Variants in DENND5B observed in about 807,000 individuals in gnomAD.
The protein encoded by DENND5B is DENN domain-containing protein 5B.
DENND5B carries 34 observed loss-of-function variants against 140.6 expected under a neutral mutation model. The ratio of observed to expected loss-of-function variants is 0.24; its 90% CI spans 0.18 to 0.32. The LOEUF (loss-of-function observed/expected upper bound fraction) is 0.32. Among genes scored for constraint, DENND5B ranks in the 10% least tolerant of loss-of-function variants. The pLI is 1.00. For missense variants in DENND5B, 1,142 were observed against 1,560.2 expected (o/e 0.73, Z 4.52); for synonymous variants, 551 against 562.1 (o/e 0.98, Z 0.28).
At chr12:31,418,978 T>G (rs138339770) in intron 11 of DENND5B, among the ~76,000 whole-genome samples, 1 of 152,102 alleles carries the variant, frequency 6.6e-6, no homozygotes, top group Non-Finnish European at 1.5e-5. Flanking sequence ...GGTACTCTAT[T>G]ATGGCAGCCC....
At chr12:31,535,979 G>A (rs750294950) in intron 1 of DENND5B, among the ~76,000 whole-genome samples, 220 of 84,268 alleles carry the variant, frequency 2.6e-3, no homozygotes, top group Non-Finnish European at 3.7e-3. Flanking sequence ...CCATCCCCTC[G>A]GTACTGTTCC....
intron 3 of DENND5B, chr12:31,465,066 C>T (rs1945197028): frequency 6.6e-6 from 1 of 152,248 alleles, no homozygotes; most frequent in Admixed American, 6.5e-5. Context: ...AGTGATGGCT[C>T]TGGCACAGAT....
chr12:31,412,648 A>C (rs1243385829), intron 13 of DENND5B, among the ~76,000 whole-genome samples: 2 of 152,174 alleles, frequency 1.3e-5, no homozygotes, highest in African/African-American at 4.8e-5. Context: ...ACCACAGACC[A>C]GTACTGGTCC....
rs575077444 is a variant in DENND5B at position 31,475,765 on chromosome 12, A to C, written c.904+3824T>G. Among the ~76,000 whole-genome samples the C allele has an allele frequency of 1.2e-4, 19 of 152,068 alleles. No homozygotes were observed. In the South Asian group the frequency reaches 1.9e-3, roughly 15 times the overall value. ...CCCTGTCTCAAAACAAACAAACAAA[A>C]AAAGAGCAGAAATAGGAGAGCTCAG... On this transcript the variant is annotated intron_variant, in intron 3 of 20. Coordinates refer to ENST00000389082, the MANE Select transcript of DENND5B (RefSeq NM_144973.4).
At chr12:31,553,286 G>A (rs1403025849) in intron 1 of DENND5B, among the ~76,000 whole-genome samples, 1 of 152,154 alleles carries the variant, frequency 6.6e-6, no homozygotes, top group African/African-American at 2.4e-5. Context: ...TGGTTTCAAG[G>A]AACATCTTTA....
chr12:31,462,043 T>G (rs1945043722), intron 3 of DENND5B, among the ~76,000 whole-genome samples: 1 of 152,218 alleles, frequency 6.6e-6, no homozygotes, highest in African/African-American at 2.4e-5. Flanking sequence ...AAATTTTCCT[T>G]ATTTGATTCA....
chr12:31,395,790 C>A (rs181533184), intron 17 of DENND5B, among the ~76,000 whole-genome samples: 1 of 152,080 alleles, frequency 6.6e-6, no homozygotes, highest in African/African-American at 2.4e-5. Context: ...CACTGATAAA[C>A]TTCTGTGATT....
intron 1 of DENND5B, among the ~76,000 whole-genome samples, chr12:31,544,029 T>C (rs1247405471): frequency 6.6e-6 from 1 of 152,130 alleles, no homozygotes; most frequent in Non-Finnish European, 1.5e-5. Flanking sequence ...TCAGGCATGG[T>C]GGCACAAGCC....
chr12:31,459,223 A>AG (rs1944910477), intron 4 of DENND5B, among the ~76,000 whole-genome samples: 1 of 151,374 alleles, frequency 6.6e-6, no homozygotes. Context: ...GAAAAAAAAA[A>AG]GTAAAAACAA....
chr12:31,395,659 T>TA (rs1435168880), intron 17 of DENND5B, among the ~76,000 whole-genome samples: 1 of 152,110 alleles, frequency 6.6e-6, no homozygotes, highest in Non-Finnish European at 1.5e-5. Flanking sequence ...AATCATGTGC[T>TA]AGCAAATGGA....
Position 31,423,648 on chromosome 12 carries a change from T to C in DENND5B, c.2419A>G (p.Ile807Val), listed in dbSNP as rs537317490. The C allele has an allele frequency of 2.9e-4, 473 of 1,613,948 alleles. 2 individuals carry two copies. The South Asian group carries it at 4.0e-3, about 14-fold the overall frequency. The change falls in exon 11 of 21, where the codon ATT (isoleucine) becomes GTT (valine). Residue 807 changes from isoleucine to valine, a missense_variant. This residue lies in a region of DENND5B where 268 missense variants were observed against 349.2 expected (regional missense o/e 0.77). Transcript: ENST00000389082. ...QGKSALWSHL[I>V]QFQDREEKQE... ...TTCTCTTCTCTGTCCTGAAATTGAA[T>C]TAAATGTGACCACAAAGCCGACTTC... is the stretch of plus-strand genomic sequence containing the variant.
intron 6 of DENND5B, 139 bp from the exon 7 acceptor site, chr12:31,443,064 GCA>G (rs371250423): frequency 2.5e-5 from 18 of 728,130 alleles, no homozygotes; most frequent in South Asian, 1.1e-4. Flanking sequence ...GTGTGTGTGT[GCA>G]CGCACGCACG....
In DENND5B at chr12:31,399,782, C is replaced by T; in HGVS notation, c.2950-10G>A. On this transcript the variant is annotated splice_polypyrimidine_tract_variant and intron_variant, in intron 15 of 20. Transcript: ENST00000389082. ...TCCCCAAGTTCTGGCACTGTAGGGA[C>T]AGGACCTTAGGTTATTTAGTACCCA... is the stretch of plus-strand genomic sequence containing the variant. The T allele has an allele frequency of 6.2e-7, 1 of 1,609,064 alleles. No homozygotes were observed. Among genetic ancestry groups the T allele is most frequent in the Non-Finnish European group, 8.5e-7 (1 of 1,176,126 alleles).
intron 13 of DENND5B, 87 bp from the exon 14 acceptor site, chr12:31,409,471 TG>T: frequency 1.4e-6 from 1 of 712,560 alleles, no homozygotes; most frequent in Non-Finnish European, 1.8e-6. Flanking sequence ...CTTTTCATTA[TG>T]TCTTTTTTTT....
intron 2 of DENND5B, among the ~76,000 whole-genome samples, chr12:31,486,741 T>C (rs1206422615): frequency 6.6e-6 from 1 of 152,242 alleles, no homozygotes; most frequent in Non-Finnish European, 1.5e-5. Context: ...CTTACTTCCC[T>C]TAAGTCTCTA....
chr12:31,473,691 C>T (rs1308722312), intron 3 of DENND5B, among the ~76,000 whole-genome samples: 3 of 152,158 alleles, frequency 2.0e-5, no homozygotes, highest in African/African-American at 7.2e-5. Flanking sequence ...ATTTAAAGTG[C>T]CCCTATGACT....
At chr12:31,434,871 T>C (rs1449841846) in intron 7 of DENND5B, among the ~76,000 whole-genome samples, 4 of 152,140 alleles carry the variant, frequency 2.6e-5, no homozygotes, top group African/African-American at 9.7e-5. Context: ...CCAATGGTCA[T>C]CCAGAACTCC....
At chr12:31,500,457 A>G (rs770387628) in intron 1 of DENND5B, 2 of 442,666 alleles carry the variant, frequency 4.5e-6, no homozygotes, top group South Asian at 1.6e-5. Context: ...AGGCAGGTGA[A>G]TTGCTTGAGG....
intron 1 of DENND5B, among the ~76,000 whole-genome samples, chr12:31,526,362 G>A (rs959019297): frequency 2.0e-5 from 3 of 152,064 alleles, no homozygotes; most frequent in African/African-American, 7.2e-5. Flanking sequence ...AAGCTCTGAT[G>A]GCAGAAGAGA....
Sources: allele counts gnomAD v4.1 joint callset (sites outside exome capture counted in the v4.1 genomes callset), GRCh38; gene constraint gnomAD v4.1.1; regional missense constraint gnomAD v4.1.1; transcripts MANE v1.5; gene names NCBI Gene and HGNC (gene_info 2026-07-23, HGNC 2026-07-21).